The following PDE3A variants were observed in gnomAD, a reference collection of about 807,000 sequenced individuals.
The protein encoded by PDE3A is phosphodiesterase 3A, also known as cGMP-inhibited 3',5'-cyclic phosphodiesterase 3A.
In PDE3A, 43 loss-of-function variants were observed where a neutral mutation model predicts 98.3. The ratio of observed to expected loss-of-function variants is 0.44; its 90% CI spans 0.34 to 0.56. PDE3A has a LOEUF of 0.56. PDE3A is among the 20% of genes least tolerant of loss of function. The pLI is 0.01. For missense variants in PDE3A, 1,427 were observed against 1,440.7 expected, an observed-to-expected ratio of 0.99 and a Z score of 0.15; for synonymous variants, 663 against 567.9, an observed-to-expected ratio of 1.17 and a Z score of -2.38.
At chr12:20,599,661 G>A (rs1030972732) in intron 2 of PDE3A, among the ~76,000 whole-genome samples, 1 of 152,004 alleles carries the variant, frequency 6.6e-6, no homozygotes, top group African/African-American at 2.4e-5. Context: ...TCCTTCTCTT[G>A]GATTTTTATC....
chr12:20,444,015 T>G (rs1380173780), intron 1 of PDE3A, among the ~76,000 whole-genome samples: 1 of 152,166 alleles, frequency 6.6e-6, no homozygotes, highest in Non-Finnish European at 1.5e-5. Context: ...GACTGGTTTA[T>G]ATAGCAGGAA....
intron 1 of PDE3A, among the ~76,000 whole-genome samples, chr12:20,401,505 TTC>T (rs1056264476): frequency 2.0e-5 from 3 of 152,150 alleles, no homozygotes; most frequent in Admixed American, 1.3e-4. Context: ...AGCGTGCCTT[TTC>T]TCTCTCAAGA....
chr12:20,686,237 T>C lies in PDE3A; in HGVS notation c.*5966T>C, dbSNP rs1260970033. On this transcript the variant is annotated 3_prime_UTR_variant, in exon 16 of 16. Coordinates refer to ENST00000359062, the MANE Select transcript of PDE3A (RefSeq NM_000921.5). ...AATTAGTGTCAATAATTTAACTTTG[T>C]ACAAATTATAGTCTGAGATCTTCTG... Among the ~76,000 whole-genome samples, 1 of 152,174 alleles carries C rather than the reference T, an allele frequency of 6.6e-6. No individual in the cohort carries two copies. Among genetic ancestry groups the C allele is most frequent in the African/African-American group, 2.4e-5 (1 of 41,456 alleles).
At position 20,681,163 on chromosome 12, in the gene PDE3A, C is replaced by T. The variant is rs1381220909; in HGVS notation, c.*892C>T. 1 of 152,122 alleles carries T rather than the reference C, an allele frequency of 6.6e-6. No individual in the cohort carries two copies. Among genetic ancestry groups the T allele is most frequent in the Non-Finnish European group, 1.5e-5 (1 of 68,076 alleles). 9.4% of individuals were successfully genotyped at this position (152,122 alleles called of 1,614,324 possible). Reference sequence around the variant, plus strand: ...CTGCTATGCACCACTTGAAGGAGCTCTATCACCAGCCTCAAACCCGAAAGA... The same window carrying T: ...CTGCTATGCACCACTTGAAGGAGCTTTATCACCAGCCTCAAACCCGAAAGA... On this transcript the variant is annotated 3_prime_UTR_variant, in exon 16 of 16. Transcript: ENST00000359062.
At chr12:20,537,137 G>T (rs1332097396) in intron 1 of PDE3A, among the ~76,000 whole-genome samples, 3 of 152,022 alleles carry the variant, frequency 2.0e-5, no homozygotes. Flanking sequence ...GTCTTGATTT[G>T]CATGTCCACA....
chr12:20,681,067 A>G lies in PDE3A; in HGVS notation c.*796A>G, dbSNP rs1371426436. 6.6e-6 allele frequency: 1 copy of G among 152,178 alleles called. No individual in the cohort carries two copies. The highest frequency in any genetic ancestry group is 1.9e-4 in the East Asian group (1 of 5,182). 9.4% of individuals were successfully genotyped at this position (152,178 alleles called of 1,614,324 possible). On this transcript the variant is annotated 3_prime_UTR_variant, in exon 16 of 16. Transcript: ENST00000359062. The stretch of plus-strand genomic sequence containing the variant: ...AAATGCCCTCCTCCATTTAGCTTCA[A>G]TAAAGGGCCTTTTGCTGATGGAGGG...
intron 5 of PDE3A, among the ~76,000 whole-genome samples, chr12:20,623,430 G>A (rs1475729348): frequency 6.6e-6 from 1 of 152,038 alleles, no homozygotes; most frequent in Non-Finnish European, 1.5e-5. Context: ...TTTCAGAAAA[G>A]GCAGTCAGGC....
chr12:20,579,631 T>A (rs1943019228), intron 2 of PDE3A, among the ~76,000 whole-genome samples: 1 of 152,144 alleles, frequency 6.6e-6, no homozygotes, highest in Admixed American at 6.6e-5. Flanking sequence ...TTCCAGCCAC[T>A]AATGCCAGGT....
At chr12:20,577,024 C>G (rs1402971924) in intron 2 of PDE3A, among the ~76,000 whole-genome samples, 2 of 151,744 alleles carry the variant, frequency 1.3e-5, no homozygotes, top group African/African-American at 4.8e-5. Flanking sequence ...GCAGCAAATG[C>G]AATACCACTG....
intron 3 of PDE3A, 89 bp from the exon 4 acceptor site, chr12:20,616,141 T>C: frequency 8.4e-7 from 1 of 1,190,226 alleles, no homozygotes; most frequent in Non-Finnish European, 1.2e-6. Flanking sequence ...AATTCACTTC[T>C]AATTAAAAGC....
rs188478587 is a variant in PDE3A, at chr12:20,368,673, C to A, written c.-612C>A. On this transcript the variant is annotated 5_prime_UTR_variant, in exon 1 of 16. Coordinates refer to ENST00000359062, the MANE Select transcript of PDE3A (RefSeq NM_000921.5). ...GCGGGGGAGGCTTTGCTTTCTGCCC[C>A]AGGGAATGGCGATTCGCGTCCTGGG... Among the ~76,000 whole-genome samples the A allele has an allele frequency of 3.6e-4, 54 of 152,102 alleles. No individual in the cohort carries two copies. The East Asian group carries it at 8.2e-3, about 23-fold the overall frequency.
Position 20,648,833 on chromosome 12 carries a change from C to T in PDE3A, c.2711C>T (p.Ala904Val), listed in dbSNP as rs1487880128. ...FKHFRFLVIE[A>V]ILATDLKKHF... ...CATTTCCGTTTCCTTGTCATTGAAG[C>T]AATTTTGGCCACTGACCTGAAGAAA... Residue 904 changes from alanine (A) to valine (V), a missense_variant, in exon 13 of 16, where the codon GCA becomes GTA. Coordinates refer to ENST00000359062, the MANE Select transcript of PDE3A (RefSeq NM_000921.5). 6.2e-7 allele frequency: 1 copy of T among 1,613,636 alleles called. No individual in the cohort carries two copies. Among genetic ancestry groups the T allele is most frequent in the South Asian group, 1.1e-5 (1 of 91,060 alleles).
intron 15 of PDE3A, among the ~76,000 whole-genome samples, chr12:20,675,031 T>C (rs1268617808): frequency 6.6e-6 from 1 of 152,024 alleles, no homozygotes; most frequent in Admixed American, 6.6e-5. Flanking sequence ...CATTATTAGG[T>C]TGCTTATTTG....
chr12:20,413,147 C>T (rs751032978), intron 1 of PDE3A, among the ~76,000 whole-genome samples: 18 of 152,104 alleles, frequency 1.2e-4, no homozygotes, highest in South Asian at 2.1e-4. Flanking sequence ...ATGTAAAATA[C>T]TGAATAGCAA....
At chr12:20,485,441 T>G (rs1287783910) in intron 1 of PDE3A, among the ~76,000 whole-genome samples, 1 of 151,890 alleles carries the variant, frequency 6.6e-6, no homozygotes, top group Non-Finnish European at 1.5e-5. Context: ...GCAAATATGT[T>G]TTTTTTTAGG....
chr12:20,548,658 T>C (rs1310261155), intron 1 of PDE3A, among the ~76,000 whole-genome samples: 3 of 152,188 alleles, frequency 2.0e-5, no homozygotes, highest in Non-Finnish European at 1.5e-5. Flanking sequence ...ATTGCTTAAG[T>C]AGCATGCTGC....
chr12:20,613,335 C>G, intron 2 of PDE3A, 108 bp from the exon 3 acceptor site: 1 of 1,025,220 alleles, frequency 9.8e-7, no homozygotes, highest in Non-Finnish European at 1.5e-6. Context: ...TACTGAAATC[C>G]TAAAGAATCA....
chr12:20,680,462 A>C lies in PDE3A; in HGVS notation c.*191A>C. On this transcript the variant is annotated 3_prime_UTR_variant, in exon 16 of 16. Coordinates refer to ENST00000359062, the MANE Select transcript of PDE3A (RefSeq NM_000921.5). ...ATTGTTAAAAACTTTTTGCTCAAAG[A>C]AGCTTTCACATTGCAACACCAGCTT... 1.7e-6 allele frequency: 1 copy of C among 584,160 alleles called. No individual in the cohort carries two copies. The highest frequency in any genetic ancestry group is 3.0e-5 in the East Asian group (1 of 33,630). The allele number at this position is 584,160 out of a possible 1,614,324, so 36.2% of individuals were successfully genotyped here.
chr12:20,598,082 CTATTTT>C (rs1003989441), intron 2 of PDE3A, among the ~76,000 whole-genome samples: 87 of 152,030 alleles, frequency 5.7e-4, no homozygotes, highest in African/African-American at 2.0e-3. Flanking sequence ...GAAGTTTGAT[CTATTTT>C]TAAGTTTGAA....
Sources: allele counts gnomAD v4.1 joint callset (sites outside exome capture counted in the v4.1 genomes callset), GRCh38; gene constraint gnomAD v4.1.1; transcripts MANE v1.5; gene names NCBI Gene and HGNC (gene_info 2026-07-23, HGNC 2026-07-21).